Variants in NIPAL4 observed in about 807,000 individuals in gnomAD.
NIPAL4 encodes the protein NIPA like domain containing 4, also known as magnesium transporter NIPA4.
Under a neutral mutation model 31.6 loss-of-function variants are expected in NIPAL4, and 21 were observed. The observed-to-expected ratio is 0.67, with a 90% confidence interval of 0.47 to 0.96. NIPAL4 has a LOEUF of 0.96. NIPAL4 is among the 40% of genes least tolerant of loss of function. The pLI is 0.00. For missense variants in NIPAL4, 438 were observed against 508.0 expected, an observed-to-expected ratio of 0.86 and a Z score of 1.32; for synonymous variants, 175 against 211.1, an observed-to-expected ratio of 0.83 and a Z score of 1.48.
chr5:157,464,117 T>C (rs1179078002), intron 2 of NIPAL4, among the ~76,000 whole-genome samples: 2 of 152,054 alleles, frequency 1.3e-5, no homozygotes, highest in African/African-American at 4.8e-5. Context: ...AGGGGAGGTT[T>C]CTCTAGAAGA....
Position 157,472,987 on chromosome 5 carries a change from G to C in NIPAL4, c.*27G>C, listed in dbSNP as rs767799838. On this transcript the variant is annotated 3_prime_UTR_variant, in exon 6 of 6. Transcript: ENST00000311946. ...GCTTGGAATATGTGAGTGAGAGGATGAGTCCGATGGTACAGCCTGCCCTCC... is the reference window on the plus strand; with the variant it reads ...GCTTGGAATATGTGAGTGAGAGGATCAGTCCGATGGTACAGCCTGCCCTCC... The C allele has an allele frequency of 6.7e-7, 1 of 1,495,370 alleles. No homozygotes were observed. The highest frequency in any genetic ancestry group is 8.9e-7 in the Non-Finnish European group (1 of 1,126,124). 92.6% of individuals were successfully genotyped at this position (1,495,370 alleles called of 1,614,324 possible).
chr5:157,467,014 G>C, intron 2 of NIPAL4, 35 bp from the exon 3 acceptor site: 1 of 1,564,496 alleles, frequency 6.4e-7, no homozygotes, highest in Admixed American at 1.7e-5. Flanking sequence ...GTGTGGCCAA[G>C]TTCCATCCTA....
In NIPAL4 at chr5:157,472,571, A is replaced by C; in HGVS notation, c.826A>C (p.Ser276Arg). Reference sequence around the variant, plus strand: ...GTCCCTCATCCTGGCACTGTCCCTCAGCACTCAGGTCAACTTCCTCAACAG... The same window carrying C: ...GTCCCTCATCCTGGCACTGTCCCTCCGCACTCAGGTCAACTTCCTCAACAG... ...ILSLILALSL[S>R]TQVNFLNRAL... is the part of the protein sequence containing the mutation. Residue 276 changes from serine to arginine, a missense_variant, in exon 6 of 6, where the codon AGC becomes CGC. Ser to Arg is a moderately radical substitution (Grantham distance 110). Transcript: ENST00000311946. The C allele has an allele frequency of 1.2e-6, 2 of 1,613,870 alleles. No individual in the cohort carries two copies. The highest frequency in any genetic ancestry group is 1.7e-6 in the Non-Finnish European group (2 of 1,179,876).
intron 1 of NIPAL4, chr5:157,460,579 A>T: frequency 1.6e-6 from 1 of 631,342 alleles, no homozygotes; most frequent in Non-Finnish European, 2.9e-6. Context: ...AGGGAAGGAA[A>T]GTATGTCCCC....
intron 4 of NIPAL4, among the ~76,000 whole-genome samples, chr5:157,470,555 T>A (rs1472015950): frequency 1.3e-5 from 2 of 152,170 alleles, no homozygotes; most frequent in African/African-American, 4.8e-5. Flanking sequence ...CAAAGAGTTA[T>A]GAGATGCTAG....
chr5:157,469,895 G>A (rs1754378311), intron 4 of NIPAL4, among the ~76,000 whole-genome samples: 1 of 152,196 alleles, frequency 6.6e-6, no homozygotes, highest in Non-Finnish European at 1.5e-5. Context: ...CACAGCTGAT[G>A]TAGCTGTGGT....
intron 4 of NIPAL4, 137 bp from the exon 5 acceptor site, chr5:157,471,520 G>A: frequency 1.5e-6 from 1 of 677,128 alleles, no homozygotes; most frequent in Non-Finnish European, 2.4e-6. Flanking sequence ...AGTTTTTTTG[G>A]AAGAAAACCT....
At position 157,472,738 on chromosome 5, in the gene NIPAL4, C is replaced by G; in HGVS notation, c.993C>G (p.Gly331=). 6.2e-7 allele frequency: 1 copy of G among 1,613,828 alleles called. No homozygotes were observed. ...SAVDIAGTLS[G]FVTIILGVFM... ...TGGACATTGCAGGCACCCTCTCGGG[C>G]TTTGTCACCATCATCTTGGGCGTGT... The change falls in exon 6 of 6, where the codon GGC becomes GGG. Residue 331 remains glycine, a synonymous_variant. Transcript: ENST00000311946.
intron 4 of NIPAL4, among the ~76,000 whole-genome samples, chr5:157,470,246 T>C (rs1754388356): frequency 6.6e-6 from 1 of 152,168 alleles, no homozygotes; most frequent in Non-Finnish European, 1.5e-5. Context: ...TGATTTTTTT[T>C]CCCTTCCTCT....
intron 5 of NIPAL4, 73 bp downstream of exon 5, chr5:157,471,890 G>GAACCCAATCT: frequency 7.9e-7 from 1 of 1,267,976 alleles, no homozygotes; most frequent in Non-Finnish European, 1.1e-6. Flanking sequence ...CAAAAGGTCA[G>GAACCCAATCT]GTTGGGTTCT....
chr5:157,472,110 A>G (rs1754456801), intron 5 of NIPAL4, among the ~76,000 whole-genome samples: 2 of 152,176 alleles, frequency 1.3e-5, no homozygotes, highest in African/African-American at 2.4e-5. Flanking sequence ...TATGAGGATG[A>G]TCCTATTGTT....
chr5:157,460,840 A>G (rs1397085359), intron 1 of NIPAL4, among the ~76,000 whole-genome samples: 1 of 152,198 alleles, frequency 6.6e-6, no homozygotes, highest in African/African-American at 2.4e-5. Flanking sequence ...CGTTCTGACC[A>G]TAAAGCAGGT....
At chr5:157,464,114 G>T (rs1254653962) in intron 2 of NIPAL4, among the ~76,000 whole-genome samples, 1 of 152,084 alleles carries the variant, frequency 6.6e-6, no homozygotes, top group African/African-American at 2.4e-5. Flanking sequence ...ATTAGGGGAG[G>T]TTTCTCTAGA....
At chr5:157,460,475 GC>G in intron 1 of NIPAL4, 118 bp downstream of exon 1, 1 of 1,026,004 alleles carries the variant, frequency 9.7e-7, no homozygotes, top group Non-Finnish European at 1.5e-6. Flanking sequence ...GAGGGGCAGG[GC>G]CAGCACGAGG....
intron 1 of NIPAL4, 110 bp from the exon 2 acceptor site, chr5:157,462,984 T>C (rs1754148246): frequency 7.2e-7 from 1 of 1,392,146 alleles, no homozygotes; most frequent in Non-Finnish European, 9.9e-7. Flanking sequence ...TATATGGGTA[T>C]AGCCCTGCAG....
intron 1 of NIPAL4, among the ~76,000 whole-genome samples, chr5:157,461,120 G>C: frequency 6.6e-6 from 1 of 152,182 alleles, no homozygotes; most frequent in South Asian, 2.1e-4. Flanking sequence ...GCATGTCCCT[G>C]TTTCTCTAAC....
chr5:157,471,572 T>C (rs1369483863), intron 4 of NIPAL4, 85 bp from the exon 5 acceptor site: 1 of 1,060,792 alleles, frequency 9.4e-7, no homozygotes, highest in South Asian at 1.6e-5. Context: ...TTGTTCTCTG[T>C]GAGTGCTTGC....
In NIPAL4 at chr5:157,472,312, TTC is replaced by T; in HGVS notation, c.587-11_587-10del. The stretch of plus-strand genomic sequence containing the variant: ...TGCACCCTCCACAGCCAAGTGATCC[TTC>T]TCTCTCTCCTCCCAAAGGGTTCATC... On this transcript the variant is annotated intron_variant, in intron 5 of 5. Transcript: ENST00000311946. 3 of 1,582,516 alleles carry T rather than the reference TTC, an allele frequency of 1.9e-6. No individual in the cohort carries two copies. Among genetic ancestry groups the T allele is most frequent in the East Asian group, 4.5e-5 (2 of 44,620 alleles).
chr5:157,463,680 G>A (rs973148012), intron 2 of NIPAL4, among the ~76,000 whole-genome samples: 1 of 152,162 alleles, frequency 6.6e-6, no homozygotes, highest in African/African-American at 2.4e-5. Context: ...TCACAGGCAA[G>A]TCACAGCTTC....
Sources: gnomAD v4.1 joint callset for allele counts (sites outside exome capture counted in the v4.1 genomes callset) on GRCh38, gnomAD v4.1.1 for gene constraint, MANE v1.5 for transcripts, NCBI Gene and HGNC (gene_info 2026-07-23, HGNC 2026-07-21) for gene names.